SLIT1: variants seen among roughly 807,000 people sequenced by gnomAD.
SLIT1 encodes slit guidance ligand 1.
In SLIT1, 66 loss-of-function variants were observed where a neutral mutation model predicts 186.1. The ratio of observed to expected loss-of-function variants is 0.35; its 90% CI spans 0.29 to 0.44. SLIT1 has a LOEUF of 0.44. Ranked by LOEUF, SLIT1 falls within the 20% of genes least tolerant of loss-of-function variation. SLIT1 has a pLI of 1.00. For missense variants in SLIT1, 1,638 were observed against 2,037.4 expected (o/e 0.80, Z 3.77); for synonymous variants, 761 against 833.8 (o/e 0.91, Z 1.50).
At chr10:97,119,250 C>T (rs1849536883) in intron 4 of SLIT1, among the ~76,000 whole-genome samples, 1 of 152,216 alleles carries the variant, frequency 6.6e-6, no homozygotes, top group Non-Finnish European at 1.5e-5. Context: ...TCATCGCCAT[C>T]CTATTGGCTG....
chr10:97,000,423 T>TAGTC lies in SLIT1; in HGVS notation c.*685_*688dup, dbSNP rs1232615549. On this transcript the variant is annotated 3_prime_UTR_variant, in exon 37 of 37. Coordinates refer to ENST00000266058, the MANE Select transcript of SLIT1 (RefSeq NM_003061.3). ...TCCACATAAGCCCTCGCAGCTACAG[T>TAGTC]AGTCATGCTAGAACTTTAGGATTCA... 1 of 152,290 alleles carries TAGTC rather than the reference T, an allele frequency of 6.6e-6. No homozygotes were observed. Among genetic ancestry groups the TAGTC allele is most frequent in the Non-Finnish European group, 1.5e-5 (1 of 68,114 alleles). 9.4% of individuals were successfully genotyped at this position (152,290 alleles called of 1,614,324 possible).
intron 1 of SLIT1, among the ~76,000 whole-genome samples, chr10:97,174,365 C>G (rs796694164): frequency 2.6e-5 from 4 of 152,344 alleles, no homozygotes; most frequent in African/African-American, 9.6e-5. Context: ...ATACCATACT[C>G]AAGGCCTTGC....
rs189049081 is a variant in SLIT1 at position 97,159,717 on chromosome 10, G to A, written c.342-1828C>T. ...GCCCTTACTATGTGCCAGGCATGGGGCAAATGCATTAGGGGCATGAGCTCA... is the reference window on the plus strand; with the variant it reads ...GCCCTTACTATGTGCCAGGCATGGGACAAATGCATTAGGGGCATGAGCTCA... On this transcript the variant is annotated intron_variant, in intron 3 of 36. Coordinates refer to ENST00000266058, the MANE Select transcript of SLIT1 (RefSeq NM_003061.3). Among the ~76,000 whole-genome samples, 17 of 152,306 alleles carry A rather than the reference G, an allele frequency of 1.1e-4. No individual in the cohort carries two copies. The East Asian group carries it at 3.3e-3, about 29-fold the overall frequency.
chr10:97,109,723 T>C (rs1048647875), intron 4 of SLIT1, among the ~76,000 whole-genome samples: 26 of 152,288 alleles, frequency 1.7e-4, no homozygotes, highest in Admixed American at 1.2e-3. Flanking sequence ...GTCTGGCGTG[T>C]GTGCTCTCCA....
intron 1 of SLIT1, among the ~76,000 whole-genome samples, chr10:97,182,282 T>C (rs1850348973): frequency 6.6e-6 from 1 of 152,142 alleles, no homozygotes; most frequent in South Asian, 2.1e-4. Context: ...ATAGAATATA[T>C]GATCATAAAG....
At chr10:97,145,237 C>T (rs188376287) in intron 4 of SLIT1, among the ~76,000 whole-genome samples, 1 of 152,268 alleles carries the variant, frequency 6.6e-6, no homozygotes, top group African/African-American at 2.4e-5. Flanking sequence ...CCCGCCTCAG[C>T]CTCCCAAGTA....
rs1850402005 is a variant in SLIT1, at chr10:97,185,586, C to G, written c.89G>C (p.Gly30Ala). The change falls in exon 1 of 37, where the codon GGT (glycine) becomes GCT (alanine). Residue 30 changes from glycine (G) to alanine (A), a missense_variant. Physicochemically the swap from Gly to Ala is moderately conservative, Grantham distance 60. This residue lies in a region of SLIT1 where 1,245 missense variants were observed against 1,535.3 expected (regional missense o/e 0.81). Coordinates refer to ENST00000266058, the MANE Select transcript of SLIT1 (RefSeq NM_003061.3). The part of the protein sequence containing the change: ...LLLWAAAWRL[G>A]ASACPALCTC... Reference sequence around the variant, plus strand: ...GCAGAGGGCGGGGCACGCCGAGGCACCCAGGCGCCACGCGGCTGCCCACAG... The same window carrying G: ...GCAGAGGGCGGGGCACGCCGAGGCAGCCAGGCGCCACGCGGCTGCCCACAG... 6.2e-7 allele frequency: 1 copy of G among 1,601,580 alleles called. No homozygotes were observed. The highest frequency in any genetic ancestry group is 1.3e-5 in the African/African-American group (1 of 74,540).
intron 28 of SLIT1, among the ~76,000 whole-genome samples, chr10:97,017,623 T>C (rs1436529046): frequency 6.6e-6 from 1 of 152,160 alleles, no homozygotes; most frequent in African/African-American, 2.4e-5. Flanking sequence ...CCTCCCACAG[T>C]GCCCAGTGTG....
At chr10:97,171,734 G>A (rs563352528) in intron 1 of SLIT1, among the ~76,000 whole-genome samples, 21 of 151,960 alleles carry the variant, frequency 1.4e-4, no homozygotes, top group African/African-American at 4.8e-4. Context: ...CAGGAAAATC[G>A]CTTGAACCCA....
intron 4 of SLIT1, among the ~76,000 whole-genome samples, chr10:97,082,098 T>C (rs1248737597): frequency 6.6e-6 from 1 of 152,240 alleles, no homozygotes; most frequent in African/African-American, 2.4e-5. Flanking sequence ...GCTACTTCTA[T>C]ATGGGGTGAA....
intron 1 of SLIT1, among the ~76,000 whole-genome samples, chr10:97,179,807 C>T (rs911175419): frequency 6.6e-6 from 1 of 150,650 alleles, no homozygotes; most frequent in Non-Finnish European, 1.5e-5. Context: ...CCCTCCCCGC[C>T]CCCCGGCACA....
chr10:97,097,136 C>G (rs75234838), intron 4 of SLIT1, among the ~76,000 whole-genome samples: 2,745 of 152,296 alleles, frequency 0.018, 81 homozygotes, highest in South Asian at 0.15. Context: ...CCCACCCAAG[C>G]GCCTCCACGT....
At chr10:97,036,139 C>T (rs1365925179) in intron 22 of SLIT1, among the ~76,000 whole-genome samples, 1 of 152,194 alleles carries the variant, frequency 6.6e-6, no homozygotes, top group African/African-American at 2.4e-5. Context: ...GAAAATGCAA[C>T]GATGTGCCGT....
Position 97,043,271 on chromosome 10 carries a change from C to T in SLIT1, c.1997+99G>A, listed in dbSNP as rs1319891180. ...CCACGTTTCAGCAAACCACGAAGAC[C>T]CAGCACCCCCAGGGTGAGCTCTTTC... On this transcript the variant is annotated intron_variant, in intron 19 of 36. Transcript: ENST00000266058. The surrounding 1 kb of genome is among the most constrained non-coding windows in gnomAD (Gnocchi z 7.0). The T allele has an allele frequency of 6.7e-7, 1 of 1,488,862 alleles. No homozygotes were observed. Among genetic ancestry groups the T allele is most frequent in the Non-Finnish European group, 9.2e-7 (1 of 1,081,186 alleles). 92.2% of individuals were successfully genotyped at this position (1,488,862 alleles called of 1,614,324 possible). A position where few individuals can be genotyped will look rare whatever the true frequency, so the allele number is the denominator to read the frequency against.
intron 8 of SLIT1, 100 bp downstream of exon 8, chr10:97,063,355 G>T (rs1175332632): frequency 5.9e-6 from 8 of 1,344,746 alleles, no homozygotes; most frequent in Non-Finnish European, 7.4e-6. Context: ...GTCAGGAGGT[G>T]ATGGGCAGGC....
At chr10:97,119,340 G>A (rs1849537652) in intron 4 of SLIT1, among the ~76,000 whole-genome samples, 1 of 152,164 alleles carries the variant, frequency 6.6e-6, no homozygotes, top group Non-Finnish European at 1.5e-5. Flanking sequence ...AATGGAAAGG[G>A]GCGGGGGAAG....
intron 1 of SLIT1, among the ~76,000 whole-genome samples, chr10:97,179,947 C>T (rs1485602292): frequency 6.6e-6 from 1 of 152,238 alleles, no homozygotes; most frequent in Non-Finnish European, 1.5e-5. Flanking sequence ...GCTGCTAATG[C>T]CGGCACAGAA....
intron 3 of SLIT1, among the ~76,000 whole-genome samples, chr10:97,161,360 T>A (rs1484355477): frequency 6.6e-6 from 1 of 152,236 alleles, no homozygotes; most frequent in Non-Finnish European, 1.5e-5. Context: ...CTCCTTATCA[T>A]TTCGTTTTAG....
Position 97,037,401 on chromosome 10 carries a change from G to A in SLIT1, c.2366+297C>T, listed in dbSNP as rs138556615. Among the ~76,000 whole-genome samples the A allele has an allele frequency of 1.9e-4, 29 of 152,156 alleles. No individual in the cohort carries two copies. In the East Asian group the frequency reaches 5.4e-3, roughly 28 times the overall value. On this transcript the variant is annotated intron_variant, in intron 22 of 36. Coordinates refer to ENST00000266058, the MANE Select transcript of SLIT1 (RefSeq NM_003061.3). Reference sequence around the variant, plus strand: ...CAGGTGTGAGCCACCGTGCCCGCCCGACCAGGATAACCCTTTTAACAGTCA... The same window carrying A: ...CAGGTGTGAGCCACCGTGCCCGCCCAACCAGGATAACCCTTTTAACAGTCA...
Sources: gnomAD v4.1 joint callset for allele counts (sites outside exome capture counted in the v4.1 genomes callset) on GRCh38, gnomAD v4.1.1 for gene constraint, gnomAD v4.1.1 regional missense constraint, Gnocchi (gnomAD v3.1) non-coding constraint, MANE v1.5 for transcripts, NCBI Gene and HGNC (gene_info 2026-07-23, HGNC 2026-07-21) for gene names.